Variants in MAP4 observed in about 807,000 individuals in gnomAD.
MAP4 encodes the protein microtubule associated protein 4.
In MAP4, 76 loss-of-function variants were observed where a neutral mutation model predicts 170.2. That is an observed-to-expected ratio of 0.45 (90% CI 0.37 to 0.54). The LOEUF is 0.54. Among genes scored for constraint, MAP4 ranks in the 20% least tolerant of loss-of-function variants. The pLI, the probability that MAP4 is intolerant of heterozygous loss-of-function variation, is 0.00. For synonymous variants in MAP4, 909 were observed against 994.5 expected, an observed-to-expected ratio of 0.91 and a Z score of 1.62; for missense variants, 2,506 against 2,748.0, an observed-to-expected ratio of 0.91 and a Z score of 1.97.
chr3:47,974,028 A>G lies in MAP4; in HGVS notation c.292+3837T>C, dbSNP rs562969390. On this transcript the variant is annotated intron_variant, in intron 3 of 20. Transcript: ENST00000683076. ...GTGACCAGACCCCTGTAGAAGAGGGAATGCTTCCTAAATTCCGGAAGTCGC... is the reference window on the plus strand; with the variant it reads ...GTGACCAGACCCCTGTAGAAGAGGGGATGCTTCCTAAATTCCGGAAGTCGC... 2.2e-5 allele frequency: 22 copies of G among 985,430 alleles called. No homozygotes were observed. The South Asian group carries it at 7.5e-4, about 34-fold the overall frequency. The allele number at this position is 985,430 out of a possible 1,614,324, so 61.0% of individuals were successfully genotyped here.
chr3:48,049,824 G>A (rs1048014733), intron 1 of MAP4, among the ~76,000 whole-genome samples: 1 of 151,632 alleles, frequency 6.6e-6, no homozygotes, highest in Non-Finnish European at 1.5e-5. Context: ...TGTAGTCCCA[G>A]CTACTCGGGA....
At chr3:48,044,941 C>T (rs748235795) in intron 1 of MAP4, among the ~76,000 whole-genome samples, 5 of 150,632 alleles carry the variant, frequency 3.3e-5, no homozygotes, top group Non-Finnish European at 7.4e-5. Flanking sequence ...AGAGCAAGAT[C>T]CTATCTCAAA....
chr3:47,983,051 T>C (rs372993755), intron 2 of MAP4, among the ~76,000 whole-genome samples: 5 of 152,040 alleles, frequency 3.3e-5, no homozygotes, highest in African/African-American at 1.2e-4. Context: ...ACTACAGGCG[T>C]GCGCCACCAC....
chr3:48,062,029 A>C (rs2100135849), intron 1 of MAP4, among the ~76,000 whole-genome samples: 1 of 152,200 alleles, frequency 6.6e-6, no homozygotes, highest in African/African-American at 2.4e-5. Context: ...ACGGGCCATG[A>C]TGAGGATGGC....
chr3:47,912,696 AG>A (rs2100036605), intron 8 of MAP4, among the ~76,000 whole-genome samples: 1 of 152,222 alleles, frequency 6.6e-6, no homozygotes. Context: ...CAGAAGTAGC[AG>A]GATTGAACTT....
chr3:47,869,525 A>G (rs1334955237), intron 15 of MAP4, among the ~76,000 whole-genome samples, 198 bp from the exon 16 acceptor site: 1 of 152,182 alleles, frequency 6.6e-6, no homozygotes, highest in Non-Finnish European at 1.5e-5. Flanking sequence ...ACCACAAAAG[A>G]AGGAGCTGCA....
chr3:47,861,252 C>T (rs1472937407), intron 17 of MAP4, among the ~76,000 whole-genome samples: 4 of 151,704 alleles, frequency 2.6e-5, no homozygotes, highest in African/African-American at 9.7e-5. Flanking sequence ...CCCAGTTACT[C>T]GGGAGGCTGA....
chr3:48,087,090 T>G (rs1466442108), intron 1 of MAP4, among the ~76,000 whole-genome samples: 2 of 152,176 alleles, frequency 1.3e-5, no homozygotes, highest in East Asian at 3.8e-4. Context: ...AGTGACAGCT[T>G]TATTATTTTG....
At position 47,914,903 on chromosome 3, in the gene MAP4, G is replaced by A. The variant is rs777554654; in HGVS notation, c.1913C>T (p.Pro638Leu). ...TTCTAACACAGAATCCTCCTCGGCC[G>A]GCAAGCTGCACTTTTTCCCCGTTCC... ...VTGTGKKCSLPAEEDSVLEKL... is the reference protein window; with the variant it reads ...VTGTGKKCSLLAEEDSVLEKL... The change falls in exon 8 of 21, where the codon CCG becomes CTG. Residue 638 changes from proline (P) to leucine (L), a missense_variant. This residue lies in a region of MAP4 where 2,008 missense variants were observed against 2,206.0 expected (regional missense o/e 0.91). Transcript: ENST00000683076. 6.8e-6 allele frequency: 11 copies of A among 1,613,954 alleles called. No homozygotes were observed. The highest frequency in any genetic ancestry group is 1.1e-5 in the South Asian group (1 of 91,082).
chr3:47,974,511 G>T, intron 3 of MAP4: 1 of 983,536 alleles, frequency 1.0e-6, no homozygotes, highest in Non-Finnish European at 1.2e-6. Context: ...GTACCTTGGG[G>T]GTTATAAGAA....
intron 3 of MAP4, chr3:47,974,759 G>A (rs1395218661): frequency 3.7e-5 from 36 of 972,944 alleles, no homozygotes; most frequent in Non-Finnish European, 4.4e-5. Flanking sequence ...TTAAGAGTCC[G>A]TCTCCAAAAA....
chr3:48,062,177 G>C (rs1331931601), intron 1 of MAP4, among the ~76,000 whole-genome samples: 2 of 152,170 alleles, frequency 1.3e-5, no homozygotes, highest in Admixed American at 6.5e-5. Context: ...GCCTTGGGAT[G>C]CTGTTGATCT....
chr3:47,905,003 A>G (rs1450813981), intron 9 of MAP4, among the ~76,000 whole-genome samples: 1 of 152,130 alleles, frequency 6.6e-6, no homozygotes, highest in Non-Finnish European at 1.5e-5. Flanking sequence ...TGTCCAAACA[A>G]TGGAAACCAT....
chr3:48,056,866 G>A (rs1300060549), intron 1 of MAP4, among the ~76,000 whole-genome samples: 4 of 121,796 alleles, frequency 3.3e-5, no homozygotes, highest in African/African-American at 1.0e-4. Flanking sequence ...CCCCCTGCCC[G>A]GCCAGCCACC....
chr3:48,062,856 G>A (rs1312728409), intron 1 of MAP4, among the ~76,000 whole-genome samples: 2 of 151,260 alleles, frequency 1.3e-5, no homozygotes, highest in East Asian at 1.9e-4. Context: ...CCTGGGAGGC[G>A]GGAGGTTGTT....
At chr3:47,918,892 A>C (rs765158734) in intron 5 of MAP4, 51 bp from the exon 6 acceptor site, 7 of 1,491,910 alleles carry the variant, frequency 4.7e-6, no homozygotes, top group Non-Finnish European at 6.5e-6. Flanking sequence ...AAACATTGGA[A>C]ACAAAAGGTA....
chr3:47,999,452 T>C (rs1366334980), intron 1 of MAP4, among the ~76,000 whole-genome samples: 1 of 152,084 alleles, frequency 6.6e-6, no homozygotes, highest in South Asian at 2.1e-4. Context: ...GTCACGTATA[T>C]TACCATTTTT....
intron 9 of MAP4, among the ~76,000 whole-genome samples, chr3:47,905,577 C>G (rs1225122654): frequency 4.0e-5 from 6 of 150,328 alleles, no homozygotes; most frequent in Non-Finnish European, 3.0e-5. Context: ...CAAGCAAATT[C>G]TAGATTGGCC....
chr3:48,070,869 G>C (rs577208569), intron 1 of MAP4, among the ~76,000 whole-genome samples: 1 of 149,424 alleles, frequency 6.7e-6, no homozygotes, highest in Non-Finnish European at 1.5e-5. Flanking sequence ...CAAAAACTTA[G>C]CCAGGTCCAG....
Sources: gnomAD v4.1 joint callset for allele counts (sites outside exome capture counted in the v4.1 genomes callset) on GRCh38, gnomAD v4.1.1 for gene constraint, gnomAD v4.1.1 regional missense constraint, MANE v1.5 for transcripts, NCBI Gene and HGNC (gene_info 2026-07-23, HGNC 2026-07-21) for gene names.